CSMD3: variants seen among roughly 807,000 people sequenced by gnomAD.
CSMD3 encodes the protein CUB and Sushi multiple domains 3.
A neutral mutation model predicts 435.2 loss-of-function variants in CSMD3; 177 were observed. That is an observed-to-expected ratio of 0.41 (90% CI 0.36 to 0.46). The LOEUF is 0.46. Ranked by LOEUF, CSMD3 falls within the 20% of genes least tolerant of loss-of-function variation. The pLI, the probability that CSMD3 is intolerant of heterozygous loss-of-function variation, is 0.34. For missense variants in CSMD3, 4,265 were observed against 4,504.6 expected, an observed-to-expected ratio of 0.95 and a Z score of 1.52; for synonymous variants, 1,656 against 1,520.5, an observed-to-expected ratio of 1.09 and a Z score of -2.07.
chr8:113,332,956 T>C (rs2094039571), intron 1 of CSMD3, among the ~76,000 whole-genome samples: 1 of 151,614 alleles, frequency 6.6e-6, no homozygotes, highest in African/African-American at 2.4e-5. Flanking sequence ...TAAAATTGAG[T>C]CCATAAATAT....
At chr8:113,330,348 G>A (rs2094017728) in intron 1 of CSMD3, among the ~76,000 whole-genome samples, 2 of 151,110 alleles carry the variant, frequency 1.3e-5, no homozygotes, top group Admixed American at 1.3e-4. Flanking sequence ...AATTAAAATT[G>A]TACACTAGAA....
rs184337126 is a variant in CSMD3, at chr8:113,263,750, T to C, written c.514+14842A>G. Among the ~76,000 whole-genome samples, 26 of 151,972 alleles carry C rather than the reference T, an allele frequency of 1.7e-4. 1 individual carries two copies. The highest frequency in any genetic ancestry group is 1.5e-3 in the Admixed American group (23 of 15,216). The stretch of plus-strand genomic sequence containing the variant: ...GAATATTCTAGATAAAATCAACATA[T>C]GATACTGTGTAAGAAATTTCTTTTT... On this transcript the variant is annotated intron_variant, in intron 3 of 70. Transcript: ENST00000297405.
chr8:112,538,448 A>T lies in CSMD3; in HGVS notation c.4564+12223T>A, dbSNP rs138644121. ...ATGACATGATCTTATATTTAGAGAA[A>T]CCTAAAAGATTCAACCAAAATGTTG... On this transcript the variant is annotated intron_variant, in intron 27 of 70. Transcript: ENST00000297405. Among the ~76,000 whole-genome samples, 9 of 152,260 alleles carry T rather than the reference A, an allele frequency of 5.9e-5. No homozygotes were observed. The East Asian group carries it at 1.7e-3, about 29-fold the overall frequency.
intron 13 of CSMD3, among the ~76,000 whole-genome samples, chr8:112,753,478 G>C (rs1318561053): frequency 6.6e-6 from 1 of 152,162 alleles, no homozygotes; most frequent in African/African-American, 2.4e-5. Flanking sequence ...AGGGTTGATA[G>C]GCAATGCCAT....
At chr8:112,409,468 G>A (rs1321625256) in intron 32 of CSMD3, among the ~76,000 whole-genome samples, 1 of 151,762 alleles carries the variant, frequency 6.6e-6, no homozygotes, top group Non-Finnish European at 1.5e-5. Flanking sequence ...GATTTTTTAA[G>A]TTGTCCTTAA....
intron 10 of CSMD3, among the ~76,000 whole-genome samples, chr8:112,880,663 A>G (rs1395966950): frequency 6.6e-6 from 1 of 152,032 alleles, no homozygotes; most frequent in African/African-American, 2.4e-5. Context: ...GGTGCTGGGG[A>G]TGTAAATAAA....
chr8:112,452,600 A>G (rs559822488), intron 32 of CSMD3, among the ~76,000 whole-genome samples: 1 of 152,332 alleles, frequency 6.6e-6, no homozygotes, highest in South Asian at 2.1e-4. Flanking sequence ...TGGTGAATAG[A>G]CAATATTTTA....
At chr8:112,951,942 T>A (rs1260603249) in intron 8 of CSMD3, among the ~76,000 whole-genome samples, 1 of 151,692 alleles carries the variant, frequency 6.6e-6, no homozygotes, top group East Asian at 1.9e-4. Flanking sequence ...TATGGCAGGC[T>A]CACAGTTTCC....
intron 53 of CSMD3, among the ~76,000 whole-genome samples, chr8:112,298,967 T>A (rs1482478219): frequency 1.3e-5 from 2 of 152,128 alleles, no homozygotes; most frequent in African/African-American, 2.4e-5. Context: ...ATAGCCCATG[T>A]ATCCATCAAA....
chr8:112,909,497 G>C (rs1275460993), intron 10 of CSMD3, among the ~76,000 whole-genome samples: 4 of 151,476 alleles, frequency 2.6e-5, no homozygotes, highest in Non-Finnish European at 5.9e-5. Flanking sequence ...ACATACAAAA[G>C]GAAAGGGATG....
intron 9 of CSMD3, among the ~76,000 whole-genome samples, chr8:112,929,995 TTA>T (rs1231432383): frequency 6.6e-6 from 1 of 152,086 alleles, no homozygotes; most frequent in Non-Finnish European, 1.5e-5. Flanking sequence ...GTGGTTAAGA[TTA>T]TAAAGTAGAA....
intron 1 of CSMD3, among the ~76,000 whole-genome samples, chr8:113,370,227 T>TA (rs1473825687): frequency 2.0e-5 from 3 of 151,104 alleles, no homozygotes; most frequent in Non-Finnish European, 4.4e-5. Context: ...AAAAAACACA[T>TA]AAAAGGATTG....
chr8:112,344,336 T>C (rs1007817040), intron 41 of CSMD3, among the ~76,000 whole-genome samples: 2 of 152,238 alleles, frequency 1.3e-5, no homozygotes, highest in African/African-American at 4.8e-5. Flanking sequence ...CTCCTCATTA[T>C]GACTGTAACT....
At chr8:112,809,623 A>G (rs1393356247) in intron 12 of CSMD3, among the ~76,000 whole-genome samples, 1 of 152,132 alleles carries the variant, frequency 6.6e-6, no homozygotes, top group African/African-American at 2.4e-5. Context: ...TACTCCTGGT[A>G]ATAATAGTTC....
Position 113,335,035 on chromosome 8 carries a change from T to C in CSMD3, c.179-20242A>G, listed in dbSNP as rs139158224. Among the ~76,000 whole-genome samples, 4 of 152,216 alleles carry C rather than the reference T, an allele frequency of 2.6e-5. No homozygotes were observed. In the East Asian group the frequency reaches 5.8e-4, roughly 22 times the overall value. On this transcript the variant is annotated intron_variant, in intron 1 of 70. Transcript: ENST00000297405. Reference sequence around the variant, plus strand: ...ATTGAATCATATGAGTGGTTTTTCATGGTTTAACACCATCCCCCTTGATAC... The same window carrying C: ...ATTGAATCATATGAGTGGTTTTTCACGGTTTAACACCATCCCCCTTGATAC...
At chr8:112,655,843 T>C (rs1317304886) in intron 18 of CSMD3, among the ~76,000 whole-genome samples, 1 of 152,036 alleles carries the variant, frequency 6.6e-6, no homozygotes, top group Non-Finnish European at 1.5e-5. Context: ...AGACTGGCAA[T>C]TACTGTCTAT....
intron 39 of CSMD3, among the ~76,000 whole-genome samples, chr8:112,351,770 A>C (rs1826158533): frequency 6.6e-6 from 1 of 151,972 alleles, no homozygotes; most frequent in South Asian, 2.1e-4. Flanking sequence ...ATTAATTTTT[A>C]ATTTTGCTTT....
At chr8:112,967,550 C>T (rs563855932) in intron 7 of CSMD3, among the ~76,000 whole-genome samples, 1 of 151,878 alleles carries the variant, frequency 6.6e-6, no homozygotes, top group East Asian at 1.9e-4. Context: ...GCTCCAAGAG[C>T]ATCTCTGTCT....
At chr8:112,270,727 T>A (rs1817454464) in intron 59 of CSMD3, among the ~76,000 whole-genome samples, 1 of 152,164 alleles carries the variant, frequency 6.6e-6, no homozygotes, top group Non-Finnish European at 1.5e-5. Flanking sequence ...CATGCTCTAA[T>A]ATAAGTTAAA....
Sources: allele counts gnomAD v4.1 joint callset (sites outside exome capture counted in the v4.1 genomes callset), GRCh38; gene constraint gnomAD v4.1.1; transcripts MANE v1.5; gene names NCBI Gene and HGNC (gene_info 2026-07-23, HGNC 2026-07-21).